SBF2: variants seen among roughly 807,000 people sequenced by gnomAD.
The protein encoded by SBF2 is myotubularin-related protein 13.
In SBF2, 112 loss-of-function variants were observed where a neutral mutation model predicts 225.2. The observed-to-expected ratio is 0.50, with a 90% CI of 0.43 to 0.58. The LOEUF (loss-of-function observed/expected upper bound fraction) is 0.58. SBF2 is among the 20% of genes least tolerant of loss of function. The pLI is 0.00. For synonymous variants in SBF2, 763 were observed against 773.3 expected (o/e 0.99, Z 0.22); for missense variants, 1,996 against 2,206.2 (o/e 0.90, Z 1.91).
intron 16 of SBF2, among the ~76,000 whole-genome samples, chr11:9,916,118 G>A (rs1863069343): frequency 6.6e-6 from 1 of 152,032 alleles, no homozygotes; most frequent in African/African-American, 2.4e-5. Flanking sequence ...TTAAATCTAT[G>A]AGCTATCATA....
chr11:9,815,890 G>A (rs1854430783), intron 29 of SBF2, among the ~76,000 whole-genome samples: 1 of 152,192 alleles, frequency 6.6e-6, no homozygotes, highest in Admixed American at 6.5e-5. Context: ...TCCAGGCAGT[G>A]GGAGAAGAGC....
chr11:10,014,841 T>C (rs1375181910), intron 6 of SBF2, among the ~76,000 whole-genome samples: 1 of 152,100 alleles, frequency 6.6e-6, no homozygotes, highest in Non-Finnish European at 1.5e-5. Flanking sequence ...TTAATAGTAC[T>C]GTACCAGGCC....
chr11:9,847,117 C>T (rs1394109380), intron 22 of SBF2, 34 bp from the exon 23 acceptor site: 5 of 1,613,002 alleles, frequency 3.1e-6, no homozygotes, highest in Non-Finnish European at 4.2e-6. Context: ...TCAGCAACAA[C>T]ACTTTATAGC....
chr11:9,814,502 T>G (rs1245279966), intron 29 of SBF2, among the ~76,000 whole-genome samples: 1 of 152,102 alleles, frequency 6.6e-6, no homozygotes, highest in Non-Finnish European at 1.5e-5. Context: ...GAATGGTATC[T>G]CAATTAAAAA....
chr11:9,834,029 A>G (rs1218829278), intron 26 of SBF2, among the ~76,000 whole-genome samples: 2 of 151,576 alleles, frequency 1.3e-5, no homozygotes, highest in African/African-American at 2.4e-5. Context: ...TCGGCCTCCC[A>G]AAGTGCTGGG....
At chr11:10,187,171 TTAC>T (rs1956958552) in intron 2 of SBF2, among the ~76,000 whole-genome samples, 1 of 152,210 alleles carries the variant, frequency 6.6e-6, no homozygotes, top group Non-Finnish European at 1.5e-5. Flanking sequence ...ATGCTTTCTC[TTAC>T]TACTCTGACG....
chr11:10,208,049 T>C (rs934189399), intron 1 of SBF2, among the ~76,000 whole-genome samples: 38 of 152,082 alleles, frequency 2.5e-4, no homozygotes, highest in African/African-American at 9.2e-4. Context: ...AACACTGCCA[T>C]GTTTTGAAAA....
chr11:10,171,889 G>A (rs1472524520), intron 2 of SBF2, among the ~76,000 whole-genome samples: 2 of 152,120 alleles, frequency 1.3e-5, no homozygotes, highest in East Asian at 3.9e-4. Flanking sequence ...GTAAATCTCT[G>A]GGAATTTATC....
chr11:9,811,549 G>A, intron 30 of SBF2, among the ~76,000 whole-genome samples: 1 of 152,180 alleles, frequency 6.6e-6, no homozygotes, highest in Non-Finnish European at 1.5e-5. Flanking sequence ...CCTGGGGACA[G>A]AAGGGAGTAT....
chr11:9,980,141 CG>C (rs1565089519), intron 13 of SBF2, among the ~76,000 whole-genome samples: 1 of 151,592 alleles, frequency 6.6e-6, no homozygotes, highest in African/African-American at 2.4e-5. Context: ...CCACCATGCC[CG>C]GCTAATTTTT....
At chr11:9,946,216 A>G (rs117444997) in intron 16 of SBF2, among the ~76,000 whole-genome samples, 4,119 of 152,294 alleles carry the variant, frequency 0.027, 107 homozygotes, top group Middle Eastern at 0.065. Flanking sequence ...GATAAAGAAA[A>G]TGTGGTACAC....
intron 16 of SBF2, among the ~76,000 whole-genome samples, chr11:9,932,957 C>CAAAA (rs574177096): frequency 1.9e-4 from 11 of 58,760 alleles, no homozygotes; most frequent in East Asian, 4.8e-3. Flanking sequence ...AAACGAAAAG[C>CAAAA]AAAAAAAAAA....
At chr11:10,179,387 CAAAAAA>C (rs60430976) in intron 2 of SBF2, among the ~76,000 whole-genome samples, 2 of 121,802 alleles carry the variant, frequency 1.6e-5, no homozygotes, top group East Asian at 3.9e-4. Flanking sequence ...AACAAAAAAA[CAAAAAA>C]AAACAAAAAC....
At chr11:9,983,776 T>C (rs1293567893) in intron 13 of SBF2, among the ~76,000 whole-genome samples, 4 of 152,090 alleles carry the variant, frequency 2.6e-5, no homozygotes, top group African/African-American at 9.7e-5. Flanking sequence ...CAATCCTCAG[T>C]ACCAGCCTGG....
chr11:10,135,092 C>G (rs1252677855), intron 2 of SBF2, among the ~76,000 whole-genome samples: 2 of 152,242 alleles, frequency 1.3e-5, no homozygotes, highest in African/African-American at 4.8e-5. Flanking sequence ...CAGTTCTTGA[C>G]TTCTGTGCAC....
chr11:10,218,156 T>A (rs1305341571), intron 1 of SBF2, among the ~76,000 whole-genome samples: 1 of 152,056 alleles, frequency 6.6e-6, no homozygotes, highest in Non-Finnish European at 1.5e-5. Context: ...TGCCTCGGCC[T>A]CCCAAAGTGC....
In SBF2 at chr11:10,203,283, A is replaced by G. The variant is rs148409118; in HGVS notation, c.56-9296T>C. Among the ~76,000 whole-genome samples, 88 of 152,322 alleles carry G rather than the reference A, an allele frequency of 5.8e-4. No individual in the cohort carries two copies. The Middle Eastern group carries it at 0.01, about 18-fold the overall frequency. ...AAGGACAATCCCTAGAAATCACACA[A>G]GGCCAGGGACTGTTTTTGTTCCCAA... On this transcript the variant is annotated intron_variant, in intron 1 of 39. Transcript: ENST00000256190.
intron 2 of SBF2, among the ~76,000 whole-genome samples, chr11:10,166,245 G>A (rs945688178): frequency 2.0e-5 from 3 of 152,158 alleles, no homozygotes; most frequent in Non-Finnish European, 4.4e-5. Flanking sequence ...TAAAAGGAAG[G>A]TTAGAATTTG....
At chr11:9,990,350 C>G (rs1367720419) in intron 12 of SBF2, among the ~76,000 whole-genome samples, 4 of 152,166 alleles carry the variant, frequency 2.6e-5, no homozygotes, top group Admixed American at 6.5e-5. Flanking sequence ...TCTAAGACAT[C>G]TATCTGATGG....
Sources: allele counts gnomAD v4.1 joint callset (sites outside exome capture counted in the v4.1 genomes callset), GRCh38; gene constraint gnomAD v4.1.1; transcripts MANE v1.5; gene names NCBI Gene and HGNC (gene_info 2026-07-23, HGNC 2026-07-21).